ETHE1: variants seen among roughly 807,000 people sequenced by gnomAD.
ETHE1 encodes ETHE1 persulfide dioxygenase, also known as persulfide dioxygenase ETHE1, mitochondrial.
In ETHE1, 16 loss-of-function variants were observed where a neutral mutation model predicts 25.7. The ratio of observed to expected loss-of-function variants is 0.62; its 90% CI spans 0.42 to 0.95. ETHE1 has a LOEUF of 0.95. Among genes scored for constraint, ETHE1 ranks in the 40% least tolerant of loss-of-function variants. The probability of loss-of-function intolerance (pLI) is 0.00; values close to 1 mark genes in which losing one functional copy is unlikely to be tolerated. For missense variants in ETHE1, 300 were observed against 333.6 expected (o/e 0.90, Z 0.79); for synonymous variants, 139 against 135.9 (o/e 1.02, Z -0.16).
chr19:43,524,143 C>T (rs36075334), intron 3 of ETHE1, among the ~76,000 whole-genome samples: 26,489 of 151,802 alleles, frequency 0.17, 2,401 homozygotes, highest in Non-Finnish European at 0.19. Flanking sequence ...GCTGAGGTTG[C>T]GCTAAGCTGA....
At chr19:43,519,683 A>G (rs1274305298) in intron 3 of ETHE1, among the ~76,000 whole-genome samples, 1 of 152,152 alleles carries the variant, frequency 6.6e-6, no homozygotes, top group South Asian at 2.1e-4. Context: ...CCTGGTGGCA[A>G]GTAAGCTCTC....
At chr19:43,507,287 C>T (rs1213451814) in intron 6 of ETHE1, among the ~76,000 whole-genome samples, 10 of 144,804 alleles carry the variant, frequency 6.9e-5, no homozygotes, top group African/African-American at 2.3e-4. Flanking sequence ...CCCAGCCCCT[C>T]CTCCCTCAGA....
At chr19:43,517,104 A>C (rs368091440) in intron 3 of ETHE1, among the ~76,000 whole-genome samples, 1 of 151,830 alleles carries the variant, frequency 6.6e-6, no homozygotes, top group African/African-American at 2.4e-5. Flanking sequence ...GATTACAGGC[A>C]TGAGCCACTG....
rs1365058231 is a variant in ETHE1, at chr19:43,507,584, G to A, written c.712+360C>T. The A allele has an allele frequency of 7.8e-6, 3 of 385,466 alleles. No homozygotes were observed. In the East Asian group the frequency reaches 1.4e-4, roughly 18 times the overall value. 23.9% of individuals were successfully genotyped at this position (385,466 alleles called of 1,614,324 possible). ...AGCCCCTCCTCCTTCAGACCCAGGA[G>A]TCCAGGCCCCCAGCTCCTCCTCCCT... is the stretch of plus-strand genomic sequence containing the variant. On this transcript the variant is annotated intron_variant, in intron 6 of 6. Transcript: ENST00000292147.
chr19:43,514,338 GCA>G (rs1056981963), intron 3 of ETHE1, among the ~76,000 whole-genome samples: 5 of 152,130 alleles, frequency 3.3e-5, no homozygotes, highest in African/African-American at 1.2e-4. Context: ...CAGTTCCCCT[GCA>G]CACACTTTCT....
intron 3 of ETHE1, among the ~76,000 whole-genome samples, chr19:43,514,761 G>A (rs1363173627): frequency 6.6e-6 from 1 of 152,138 alleles, no homozygotes; most frequent in East Asian, 1.9e-4. Context: ...TGGGATTACA[G>A]GCGTGAGCCA....
chr19:43,510,750 C>A (rs1307195734), intron 4 of ETHE1, among the ~76,000 whole-genome samples: 1 of 151,884 alleles, frequency 6.6e-6, no homozygotes, highest in Non-Finnish European at 1.5e-5. Flanking sequence ...TGTCCCCCAA[C>A]AGCTAAGCCC....
intron 3 of ETHE1, among the ~76,000 whole-genome samples, chr19:43,516,934 T>G (rs1339761400): frequency 1.3e-5 from 2 of 152,038 alleles, no homozygotes; most frequent in Non-Finnish European, 2.9e-5. Flanking sequence ...GACTAACAAT[T>G]TATTGACTTT....
chr19:43,524,637 C>T (rs1380075153), intron 3 of ETHE1, among the ~76,000 whole-genome samples: 1 of 151,784 alleles, frequency 6.6e-6, no homozygotes, highest in Non-Finnish European at 1.5e-5. Flanking sequence ...GATTACAGCT[C>T]AACAAAAAAT....
intron 3 of ETHE1, among the ~76,000 whole-genome samples, chr19:43,520,017 G>T (rs1037003709): frequency 6.8e-6 from 1 of 147,312 alleles, no homozygotes; most frequent in African/African-American, 2.5e-5. Flanking sequence ...TTCAATACCA[G>T]CCTGGACAAC....
rs2682578 is a variant in ETHE1 at position 43,508,728 on chromosome 19, A to G, written c.595+47T>C. 0.68 allele frequency: 958,034 copies of G among 1,405,276 alleles called. 329,240 individuals carry two copies. The highest frequency in any genetic ancestry group is 0.86 in the African/African-American group (60,963 of 70,944). The allele number at this position is 1,405,276 out of a possible 1,614,324, so 87.1% of individuals were successfully genotyped here. A position where few individuals can be genotyped will look rare whatever the true frequency, so the allele number is the denominator to read the frequency against. ...CAAGGATTACAGAGATTTACACTCC[A>G]CTTTCAAAGTTATGTACGCCCCACA... On this transcript the variant is annotated intron_variant, in intron 5 of 6. Coordinates refer to ENST00000292147, the MANE Select transcript of ETHE1 (RefSeq NM_014297.5).
At chr19:43,520,114 C>T (rs1034702462) in intron 3 of ETHE1, among the ~76,000 whole-genome samples, 1 of 151,036 alleles carries the variant, frequency 6.6e-6, no homozygotes, top group African/African-American at 2.4e-5. Flanking sequence ...TTTGGGAGGT[C>T]AAGGCAGGTG....
At position 43,526,605 on chromosome 19, in the gene ETHE1, G is replaced by T; in HGVS notation, c.136C>A (p.Arg46=). The T allele has an allele frequency of 6.2e-7, 1 of 1,614,076 alleles. No individual in the cohort carries two copies. The highest frequency in any genetic ancestry group is 8.5e-7 in the Non-Finnish European group (1 of 1,180,006). The change falls in exon 2 of 7, where the codon CGG becomes AGG. Residue 46 remains arginine, a synonymous_variant. Coordinates refer to ENST00000292147, the MANE Select transcript of ETHE1 (RefSeq NM_014297.5). ...FTYLLGDRES[R]EAVLIDPVLE... ...ACTGGGTCGATCAGAACGGCCTCCC[G>T]GGACTCTCTGTCACCCAGCAGGTAC...
At chr19:43,509,374 GT>G (rs1177375184) in intron 4 of ETHE1, among the ~76,000 whole-genome samples, 2 of 152,008 alleles carry the variant, frequency 1.3e-5, no homozygotes, top group African/African-American at 4.8e-5. Flanking sequence ...ACCCATGCCT[GT>G]AATCCCAGCT....
At chr19:43,515,265 A>T (rs1427869684) in intron 3 of ETHE1, among the ~76,000 whole-genome samples, 1 of 151,872 alleles carries the variant, frequency 6.6e-6, no homozygotes, top group Admixed American at 6.6e-5. Context: ...AAAAATACAA[A>T]AATTAGCCAG....
chr19:43,508,035 C>T lies in ETHE1; in HGVS notation c.621G>A (p.Glu207=), dbSNP rs775667650. Residue 207 remains glutamate (E), a synonymous_variant, in exon 6 of 7, where the codon GAG becomes GAA. Coordinates refer to ENST00000292147, the MANE Select transcript of ETHE1 (RefSeq NM_014297.5). ...TGAGCCGAGGGTTCAGAGTCCTCTC[C>T]TCCTCCACGGTGGACACTGTGAACC... ...YHGFTVSTVE[E]ERTLNPRLTL... is the part of the protein sequence containing the mutation. The T allele has an allele frequency of 2.5e-6, 4 of 1,614,098 alleles. No homozygotes were observed. Among genetic ancestry groups the T allele is most frequent in the African/African-American group, 1.3e-5 (1 of 75,050 alleles).
chr19:43,511,473 A>T lies in ETHE1; in HGVS notation c.469T>A (p.Leu157Met), dbSNP rs890445235. ...TCTGTCCGCCCACACCCACGGATCA[A>T]CAGGGCATCTCCAGTGAAGGCCATG... ...HSMAFTGDALLIRGCGRTDFQ... is the reference protein window; with the variant it reads ...HSMAFTGDALMIRGCGRTDFQ... Residue 157 changes from leucine (L) to methionine (M), a missense_variant, in exon 4 of 7, where the codon TTG becomes ATG. Physicochemically the swap from Leu to Met is conservative, Grantham distance 15 (BLOSUM62 2). Transcript: ENST00000292147. 6.2e-7 allele frequency: 1 copy of T among 1,614,228 alleles called. No individual in the cohort carries two copies. The highest frequency in any genetic ancestry group is 8.5e-7 in the Non-Finnish European group (1 of 1,180,034).
rs1379435616 is a variant in ETHE1, at chr19:43,526,145, CTTAAGT to C, written c.375+50_375+55del. ...TCCCAGGCCCCCAGTCCCCTCTTCC[CTTAAGT>C]TTAAGAAGTCCAGGCCACCACCCTC... On this transcript the variant is annotated intron_variant, in intron 3 of 6. Coordinates refer to ENST00000292147, the MANE Select transcript of ETHE1 (RefSeq NM_014297.5). 11 of 1,613,472 alleles carry C rather than the reference CTTAAGT, an allele frequency of 6.8e-6. No homozygotes were observed. In the African/African-American group the frequency reaches 9.3e-5, roughly 14 times the overall value.
At chr19:43,515,557 C>A (rs1300572651) in intron 3 of ETHE1, among the ~76,000 whole-genome samples, 1 of 151,916 alleles carries the variant, frequency 6.6e-6, no homozygotes, top group Non-Finnish European at 1.5e-5. Context: ...TCAGATAGTA[C>A]AAACCCTATA....
Sources: allele counts gnomAD v4.1 joint callset (sites outside exome capture counted in the v4.1 genomes callset), GRCh38; gene constraint gnomAD v4.1.1; transcripts MANE v1.5; gene names NCBI Gene and HGNC (gene_info 2026-07-23, HGNC 2026-07-21).